Variants in COBL observed in about 807,000 individuals in gnomAD.
The protein encoded by COBL is cordon-bleu WH2 repeat protein.
A neutral mutation model predicts 98.8 loss-of-function variants in COBL; 51 were observed. The observed-to-expected ratio is 0.52, with a 90% confidence interval of 0.41 to 0.65. The LOEUF (loss-of-function observed/expected upper bound fraction) is 0.65, where lower values mean the gene tolerates loss of function less well. COBL is among the 30% of genes least tolerant of loss of function. COBL has a pLI of 0.00. For synonymous variants in COBL, 634 were observed against 651.7 expected (o/e 0.97, Z 0.41); for missense variants, 1,617 against 1,617.5 (o/e 1.00, Z 0.01).
intron 7 of COBL, among the ~76,000 whole-genome samples, chr7:51,067,306 T>C (rs951094817): frequency 6.6e-6 from 1 of 152,266 alleles, no homozygotes; most frequent in African/African-American, 2.4e-5. Flanking sequence ...CATGTATGCA[T>C]GAATATATAC....
intron 1 of COBL, among the ~76,000 whole-genome samples, chr7:51,236,296 T>C (rs1377380366): frequency 6.6e-6 from 1 of 152,150 alleles, no homozygotes; most frequent in Admixed American, 6.5e-5. Context: ...GAGGTTACAG[T>C]GCAACAGGCA....
At chr7:51,175,221 T>TA (rs750793395) in intron 5 of COBL, among the ~76,000 whole-genome samples, 23 of 152,274 alleles carry the variant, frequency 1.5e-4, no homozygotes, top group Non-Finnish European at 2.6e-4. Flanking sequence ...GCACTGCTGA[T>TA]ATCACTTTAC....
intron 1 of COBL, among the ~76,000 whole-genome samples, chr7:51,254,348 C>T (rs910974393): frequency 2.6e-5 from 4 of 152,162 alleles, no homozygotes; most frequent in African/African-American, 9.7e-5. Context: ...TGTAGTCCTT[C>T]TGGTACAGAA....
At chr7:51,202,508 G>T (rs1791228575) in intron 2 of COBL, among the ~76,000 whole-genome samples, 1 of 152,204 alleles carries the variant, frequency 6.6e-6, no homozygotes, top group South Asian at 2.1e-4. Flanking sequence ...AGTACGATCT[G>T]TGGTTTCAAG....
chr7:51,246,338 C>T (rs1031652367), intron 1 of COBL, among the ~76,000 whole-genome samples: 1 of 152,210 alleles, frequency 6.6e-6, no homozygotes, highest in African/African-American at 2.4e-5. Context: ...TCCCTGACAG[C>T]TCAGAAGCCC....
At chr7:51,252,254 A>G (rs1237306134) in intron 1 of COBL, among the ~76,000 whole-genome samples, 1 of 152,192 alleles carries the variant, frequency 6.6e-6, no homozygotes, top group Non-Finnish European at 1.5e-5. Flanking sequence ...GTACAATTCA[A>G]TATATTGTAC....
At chr7:51,137,596 A>AC (rs1298283430) in intron 5 of COBL, among the ~76,000 whole-genome samples, 1 of 151,900 alleles carries the variant, frequency 6.6e-6, no homozygotes, top group Non-Finnish European at 1.5e-5. Flanking sequence ...TTAAAAAAAA[A>AC]AAAAGGAGTT....
chr7:51,197,530 G>A (rs190362676), intron 2 of COBL, among the ~76,000 whole-genome samples: 1 of 152,226 alleles, frequency 6.6e-6, no homozygotes, highest in African/African-American at 2.4e-5. Context: ...TGTCTACCAG[G>A]TCCATCTGAT....
chr7:51,260,933 C>A (rs954007566), intron 1 of COBL, among the ~76,000 whole-genome samples: 1 of 152,154 alleles, frequency 6.6e-6, no homozygotes, highest in African/African-American at 2.4e-5. Context: ...TCACATCCTG[C>A]CTTTCCCCAA....
At chr7:51,097,980 C>A (rs55773052) in intron 6 of COBL, among the ~76,000 whole-genome samples, 1 of 144,146 alleles carries the variant, frequency 6.9e-6, no homozygotes, top group African/African-American at 2.6e-5. Context: ...GCCAAGATTG[C>A]GCCACTGCAC....
intron 3 of COBL, among the ~76,000 whole-genome samples, chr7:51,192,630 A>T (rs1790221719): frequency 6.6e-6 from 1 of 152,224 alleles, no homozygotes; most frequent in African/African-American, 2.4e-5. Flanking sequence ...CAAAAACAAT[A>T]AAAGTATATA....
At chr7:51,228,548 C>G (rs1162371218) in intron 1 of COBL, among the ~76,000 whole-genome samples, 1 of 151,996 alleles carries the variant, frequency 6.6e-6, no homozygotes, top group Non-Finnish European at 1.5e-5. Context: ...CAGTTTTGAC[C>G]TGGGGGTGGG....
intron 5 of COBL, chr7:51,172,336 A>G: frequency 2.0e-6 from 1 of 493,090 alleles, no homozygotes; most frequent in Non-Finnish European, 3.2e-6. Context: ...GACTCTATCT[A>G]GACTACAAAA....
intron 6 of COBL, among the ~76,000 whole-genome samples, chr7:51,120,825 CCTTTT>C (rs1797675134): frequency 6.6e-6 from 1 of 152,152 alleles, no homozygotes; most frequent in South Asian, 2.1e-4. Flanking sequence ...AAATTTCCTT[CCTTTT>C]AAATGTTTAA....
At chr7:51,027,661 C>T in intron 10 of COBL, 51 bp downstream of exon 10, 1 of 1,436,198 alleles carries the variant, frequency 7.0e-7, no homozygotes, top group Admixed American at 1.8e-5. Flanking sequence ...GAGACCAGTG[C>T]ACTGAAGTGG....
chr7:51,083,101 G>A (rs1405443460), intron 7 of COBL: 25 of 1,534,848 alleles, frequency 1.6e-5, no homozygotes, highest in South Asian at 2.4e-5. Flanking sequence ...CGCCTTCCCC[G>A]GGAAAGCTGA....
At chr7:51,133,514 C>T (rs1798942206) in intron 6 of COBL, among the ~76,000 whole-genome samples, 1 of 152,132 alleles carries the variant, frequency 6.6e-6, no homozygotes, top group African/African-American at 2.4e-5. Flanking sequence ...TGTTCAGGCC[C>T]CATCCAGACC....
chr7:51,229,673 A>T (rs1794548823), intron 1 of COBL, among the ~76,000 whole-genome samples: 1 of 152,180 alleles, frequency 6.6e-6, no homozygotes, highest in African/African-American at 2.4e-5. Context: ...CTTTTCCTAA[A>T]GGAGTTTTGA....
At chr7:51,307,348 C>CAAAACA (rs376773501) in intron 1 of COBL, among the ~76,000 whole-genome samples, 4,059 of 148,400 alleles carry the variant, frequency 0.027, 145 homozygotes, top group South Asian at 0.19. Flanking sequence ...GACTCCATCT[C>CAAAACA]AAAACAAAAA....
Sources: gnomAD v4.1 joint callset for allele counts (sites outside exome capture counted in the v4.1 genomes callset) on GRCh38, gnomAD v4.1.1 for gene constraint, MANE v1.5 for transcripts, NCBI Gene and HGNC (gene_info 2026-07-23, HGNC 2026-07-21) for gene names.